Variants in MEGF11 observed in about 807,000 individuals in gnomAD.
The protein encoded by MEGF11 is multiple EGF like domains 11.
A neutral mutation model predicts 146.6 loss-of-function variants in MEGF11; 126 were observed. That is an observed-to-expected ratio of 0.86 (90% CI 0.74 to 1.00). MEGF11 has a LOEUF of 1.00. MEGF11 is among the 50% of genes least tolerant of loss of function. MEGF11 has a pLI of 0.00. For missense variants in MEGF11, 1,509 were observed against 1,521.2 expected (o/e 0.99, Z 0.13); for synonymous variants, 532 against 583.4 (o/e 0.91, Z 1.27).
chr15:66,243,475 G>C (rs751330000), intron 1 of MEGF11, among the ~76,000 whole-genome samples: 21 of 152,164 alleles, frequency 1.4e-4, no homozygotes, highest in Non-Finnish European at 2.9e-4. Flanking sequence ...AACTTCCAGG[G>C]GTGCAGAAGG....
In MEGF11 at chr15:65,994,582, A is replaced by T. The variant is rs114273185; in HGVS notation, c.395-12094T>A. 8.7e-3 allele frequency among the ~76,000 whole-genome samples: 1,332 copies of T among 152,298 alleles called. 22 individuals carry two copies. Among genetic ancestry groups the T allele is most frequent in the African/African-American group, 0.03 (1,258 of 41,574 alleles). On this transcript the variant is annotated intron_variant, in intron 5 of 25. Coordinates refer to ENST00000395614, the MANE Select transcript of MEGF11 (RefSeq NM_001385028.1). ...GCAGCTTATCTGTGGGTTCACAGGC[A>T]CCAGGGAGAGGTGAAGCAAGTTAGG...
intron 5 of MEGF11, among the ~76,000 whole-genome samples, chr15:66,029,046 C>A (rs1277762034): frequency 1.3e-5 from 2 of 152,146 alleles, no homozygotes; most frequent in African/African-American, 4.8e-5. Context: ...TCTCCGAATC[C>A]ATCCCTGTCT....
chr15:66,187,849 T>C (rs1369473860), intron 1 of MEGF11, among the ~76,000 whole-genome samples: 1 of 152,230 alleles, frequency 6.6e-6, no homozygotes, highest in Non-Finnish European at 1.5e-5. Flanking sequence ...CCTGTATCAA[T>C]GTGAACTCCA....
chr15:66,141,852 G>A (rs2089182186), intron 1 of MEGF11, among the ~76,000 whole-genome samples: 1 of 152,142 alleles, frequency 6.6e-6, no homozygotes, highest in Non-Finnish European at 1.5e-5. Context: ...TGAGCCGATT[G>A]TGCCTCAGCT....
At chr15:66,008,268 G>T (rs1289670047) in intron 5 of MEGF11, among the ~76,000 whole-genome samples, 1 of 152,110 alleles carries the variant, frequency 6.6e-6, no homozygotes, top group Non-Finnish European at 1.5e-5. Context: ...TCAGGAAGGG[G>T]TCCCTGAGTC....
At chr15:66,218,603 G>A (rs1312125384) in intron 1 of MEGF11, among the ~76,000 whole-genome samples, 5 of 152,128 alleles carry the variant, frequency 3.3e-5, no homozygotes, top group African/African-American at 4.8e-5. Flanking sequence ...TGGAACTTTC[G>A]TTTTTGATTG....
At chr15:66,129,444 C>T (rs944072253) in intron 1 of MEGF11, among the ~76,000 whole-genome samples, 1 of 152,212 alleles carries the variant, frequency 6.6e-6, no homozygotes, top group African/African-American at 2.4e-5. Flanking sequence ...TACATAGATG[C>T]TATCGTGATT....
Position 65,916,919 on chromosome 15 carries a change from G to A in MEGF11, c.2124C>T (p.His708=), listed in dbSNP as rs763872123. The change falls in exon 17 of 26, where the codon CAC becomes CAT. Residue 708 remains histidine, a synonymous_variant. Coordinates refer to ENST00000395614, the MANE Select transcript of MEGF11 (RefSeq NM_001385028.1). The stretch of plus-strand genomic sequence containing the variant: ...TCGCCCCGTTGTGGCAGCTGCATGC[G>A]TGGAAGCAGGCGGGGCCCCAGAACC... ...PPGFWGPACF[H]ACSCHNGASC... is the part of the protein sequence containing the mutation. 2.6e-6 allele frequency: 4 copies of A among 1,564,504 alleles called. No individual in the cohort carries two copies. Among genetic ancestry groups the A allele is most frequent in the Admixed American group, 3.7e-5 (2 of 53,486 alleles).
At position 66,060,088 on chromosome 15, in the gene MEGF11, G is replaced by A. The variant is rs1042946311; in HGVS notation, c.394+34314C>T. Among the ~76,000 whole-genome samples the A allele has an allele frequency of 3.9e-5, 6 of 151,922 alleles. No homozygotes were observed. In the South Asian group the frequency reaches 8.3e-4, roughly 21 times the overall value. ...GAGACAGAGGGATGGACAGCAGAGGGATGAAGGATGGGGCAACAAAGAGAT... is the reference window on the plus strand; with the variant it reads ...GAGACAGAGGGATGGACAGCAGAGGAATGAAGGATGGGGCAACAAAGAGAT... On this transcript the variant is annotated intron_variant, in intron 5 of 25. Coordinates refer to ENST00000395614, the MANE Select transcript of MEGF11 (RefSeq NM_001385028.1).
intron 10 of MEGF11, among the ~76,000 whole-genome samples, chr15:65,953,888 C>T (rs1041703307): frequency 1.1e-4 from 17 of 152,072 alleles, no homozygotes; most frequent in Non-Finnish European, 2.2e-4. Flanking sequence ...GCACTCCTCA[C>T]GTTTATGTTG....
intron 4 of MEGF11, among the ~76,000 whole-genome samples, chr15:66,100,970 G>A (rs903689566): frequency 1.1e-4 from 16 of 149,918 alleles, no homozygotes; most frequent in South Asian, 2.2e-4. Flanking sequence ...GTGAACAGGC[G>A]GGTGAGTGAG....
At chr15:65,959,664 C>T (rs1296294851) in intron 9 of MEGF11, among the ~76,000 whole-genome samples, 2 of 152,076 alleles carry the variant, frequency 1.3e-5, no homozygotes, top group African/African-American at 2.4e-5. Context: ...CAGAGATGTT[C>T]CCTGAAGCAT....
At chr15:66,199,666 G>A (rs889642970) in intron 1 of MEGF11, among the ~76,000 whole-genome samples, 12 of 152,170 alleles carry the variant, frequency 7.9e-5, no homozygotes, top group Non-Finnish European at 1.3e-4. Flanking sequence ...ATGTGTTCCT[G>A]TGGTCCCAGC....
In MEGF11 at chr15:65,982,612, A is replaced by C; in HGVS notation, c.395-124T>G. 4 of 1,193,412 alleles carry C rather than the reference A, an allele frequency of 3.4e-6. No homozygotes were observed. The highest frequency in any genetic ancestry group is 4.4e-6 in the Non-Finnish European group (4 of 901,518). The allele number at this position is 1,193,412 out of a possible 1,614,324, so 73.9% of individuals were successfully genotyped here. Reference sequence around the variant, plus strand: ...CGCTGCTCCCCGGACAGGTGGCAGCAAGGGGTGCCTGGAAGCTTTGGTGCC... The same window carrying C: ...CGCTGCTCCCCGGACAGGTGGCAGCCAGGGGTGCCTGGAAGCTTTGGTGCC... On this transcript the variant is annotated intron_variant, in intron 5 of 25. Coordinates refer to ENST00000395614, the MANE Select transcript of MEGF11 (RefSeq NM_001385028.1). The surrounding 1 kb of genome is among the most constrained non-coding windows in gnomAD (Gnocchi z 5.6).
intron 1 of MEGF11, among the ~76,000 whole-genome samples, chr15:66,222,746 C>G (rs1318598945): frequency 6.6e-6 from 1 of 152,184 alleles, no homozygotes; most frequent in African/African-American, 2.4e-5. Context: ...GAGCTCAACA[C>G]CGCTAATCCT....
At chr15:65,970,225 G>T (rs2081257410) in intron 8 of MEGF11, among the ~76,000 whole-genome samples, 1 of 152,202 alleles carries the variant, frequency 6.6e-6, no homozygotes, top group Non-Finnish European at 1.5e-5. Flanking sequence ...AAGTGATTTT[G>T]TACTCTCAGC....
intron 5 of MEGF11, among the ~76,000 whole-genome samples, chr15:66,033,443 A>G (rs1455115537): frequency 6.6e-6 from 1 of 152,252 alleles, no homozygotes; most frequent in Non-Finnish European, 1.5e-5. Flanking sequence ...TGACCCAGTC[A>G]CAGCTCAAGC....
At chr15:66,005,150 G>A (rs1055155537) in intron 5 of MEGF11, among the ~76,000 whole-genome samples, 5 of 152,196 alleles carry the variant, frequency 3.3e-5, no homozygotes, top group Admixed American at 2.6e-4. Context: ...GGATATCCTG[G>A]TGATCGAAAT....
chr15:65,946,237 C>A (rs117296595), intron 10 of MEGF11, among the ~76,000 whole-genome samples: 1 of 152,170 alleles, frequency 6.6e-6, no homozygotes, highest in Non-Finnish European at 1.5e-5. Context: ...TGCTCACAAC[C>A]GTCCTACAAG....
Sources: gnomAD v4.1 joint callset for allele counts (sites outside exome capture counted in the v4.1 genomes callset) on GRCh38, gnomAD v4.1.1 for gene constraint, Gnocchi (gnomAD v3.1) non-coding constraint, MANE v1.5 for transcripts, NCBI Gene and HGNC (gene_info 2026-07-23, HGNC 2026-07-21) for gene names.